DGKB: variants seen among roughly 807,000 people sequenced by gnomAD.
DGKB encodes the protein 90 kDa diacylglycerol kinase.
In DGKB, 67 loss-of-function variants were observed where a neutral mutation model predicts 114.3. The ratio of observed to expected loss-of-function variants is 0.59; its 90% confidence interval spans 0.48 to 0.72. The LOEUF is 0.72. DGKB is among the 30% of genes least tolerant of loss of function. DGKB has a pLI of 0.00. For missense variants in DGKB, 907 were observed against 975.2 expected, an observed-to-expected ratio of 0.93 and a Z score of 0.93; for synonymous variants, 398 against 323.1, an observed-to-expected ratio of 1.23 and a Z score of -2.49.
intron 23 of DGKB, among the ~76,000 whole-genome samples, chr7:14,218,931 T>A (rs1468331932): frequency 6.6e-6 from 1 of 151,864 alleles, no homozygotes; most frequent in Non-Finnish European, 1.5e-5. Flanking sequence ...CCTCTCACCC[T>A]CAGTCCACTA....
Position 14,351,525 on chromosome 7 carries a change from G to C in DGKB, c.1836-6134C>G, listed in dbSNP as rs114208428. 6.4e-3 allele frequency among the ~76,000 whole-genome samples: 978 copies of C among 152,322 alleles called. 10 individuals are homozygous for C. The highest frequency in any genetic ancestry group is 0.022 in the African/African-American group (901 of 41,582). On this transcript the variant is annotated intron_variant, in intron 21 of 25. Coordinates refer to ENST00000402815, the MANE Select transcript of DGKB (RefSeq NM_001350709.2). ...TCCCCTGGGAAATTAAATGTCATCT[G>C]TATGAACTATGGCCACAGGTATTTG...
chr7:14,455,449 G>A (rs1265479192), intron 21 of DGKB, among the ~76,000 whole-genome samples: 2 of 151,942 alleles, frequency 1.3e-5, no homozygotes, highest in Non-Finnish European at 2.9e-5. Flanking sequence ...TCTTGTCAAT[G>A]TCTTACCATA....
chr7:14,356,021 C>A (rs1228096390), intron 21 of DGKB, among the ~76,000 whole-genome samples: 3 of 152,170 alleles, frequency 2.0e-5, no homozygotes, highest in South Asian at 2.1e-4. Flanking sequence ...TGCATGTGTC[C>A]AGGAATTTAT....
At chr7:14,356,352 C>CTTTTTTTTTTTTTTTTTT (rs997102742) in intron 21 of DGKB, among the ~76,000 whole-genome samples, 4 of 77,224 alleles carry the variant, frequency 5.2e-5, no homozygotes, top group South Asian at 4.5e-4. Flanking sequence ...TTCTCTAGTT[C>CTTTTTTTTTTTTTTTTTT]TTTTTTTTTT....
In DGKB at chr7:14,283,604, C is replaced by T. The variant is rs556735778; in HGVS notation, c.2122+54911G>A. Reference sequence around the variant, plus strand: ...AAGCTGGAGGCATCACACTACCTGGCTTCAAACTATACTACAAGGCTACAG... The same window carrying T: ...AAGCTGGAGGCATCACACTACCTGGTTTCAAACTATACTACAAGGCTACAG... On this transcript the variant is annotated intron_variant, in intron 23 of 25. Transcript: ENST00000402815. Among the ~76,000 whole-genome samples the T allele has an allele frequency of 3.4e-5, 5 of 149,242 alleles. No individual in the cohort carries two copies. In the East Asian group the frequency reaches 9.7e-4, roughly 29 times the overall value.
intron 25 of DGKB, among the ~76,000 whole-genome samples, chr7:14,169,309 G>C (rs533006842): frequency 4.1e-5 from 6 of 146,964 alleles, no homozygotes; most frequent in Non-Finnish European, 8.9e-5. Context: ...AGATTGCAGT[G>C]AGCCGAGATG....
chr7:14,957,307 C>G (rs140733247), intron 1 of DGKB, among the ~76,000 whole-genome samples: 1,543 of 151,976 alleles, frequency 0.01, 22 homozygotes, highest in Admixed American at 0.011. Flanking sequence ...ACTTAGAATG[C>G]TGCTTTGGTC....
At chr7:14,830,245 T>A (rs144470986) in intron 2 of DGKB, among the ~76,000 whole-genome samples, 8 of 152,236 alleles carry the variant, frequency 5.3e-5, no homozygotes, top group African/African-American at 1.9e-4. Flanking sequence ...AATCATATCC[T>A]ATGAATAATC....
At chr7:14,156,786 A>G (rs1783086141) in intron 25 of DGKB, among the ~76,000 whole-genome samples, 1 of 152,126 alleles carries the variant, frequency 6.6e-6, no homozygotes, top group African/African-American at 2.4e-5. Context: ...AGTGGAAATA[A>G]TTTTCTTTGG....
chr7:14,203,452 G>T (rs781514032), intron 23 of DGKB, among the ~76,000 whole-genome samples: 5 of 152,002 alleles, frequency 3.3e-5, no homozygotes, highest in Non-Finnish European at 5.9e-5. Context: ...GTTCAGAGAA[G>T]AGTACACATG....
rs141276962 is a variant in DGKB, at chr7:14,884,810, G to C, written c.-188+17782C>G. 2.2e-3 allele frequency among the ~76,000 whole-genome samples: 338 copies of C among 152,058 alleles called. 1 individual carries two copies. The highest frequency in any genetic ancestry group is 7.9e-3 in the African/African-American group (328 of 41,526). ...ACCAGAGGAAATTAGGTAGGAAACA[G>C]AAAAGATACTAAATATTCTCTTTCA... On this transcript the variant is annotated intron_variant, in intron 1 of 25. Transcript: ENST00000402815.
chr7:14,358,454 C>T (rs909587669), intron 21 of DGKB, among the ~76,000 whole-genome samples: 3 of 152,074 alleles, frequency 2.0e-5, no homozygotes, highest in Admixed American at 6.6e-5. Context: ...CATTTAAAGT[C>T]TTCTCTGCAT....
chr7:14,423,226 A>T (rs1326796964), intron 21 of DGKB, among the ~76,000 whole-genome samples: 2 of 152,072 alleles, frequency 1.3e-5, no homozygotes, highest in Non-Finnish European at 2.9e-5. Flanking sequence ...ATTATTAAAA[A>T]TTCATAAATA....
At chr7:14,706,909 A>G (rs1291479235) in intron 6 of DGKB, among the ~76,000 whole-genome samples, 1 of 135,608 alleles carries the variant, frequency 7.4e-6, no homozygotes, top group Admixed American at 7.6e-5. Flanking sequence ...TAAAAGAACT[A>G]GAAAAGCAAG....
At chr7:14,567,606 T>C (rs1197783119) in intron 20 of DGKB, among the ~76,000 whole-genome samples, 1 of 120,272 alleles carries the variant, frequency 8.3e-6, no homozygotes, top group African/African-American at 3.2e-5. Context: ...TATATATATA[T>C]ATATATATCT....
chr7:14,723,903 C>T (rs999665076), intron 5 of DGKB, among the ~76,000 whole-genome samples: 6 of 152,050 alleles, frequency 3.9e-5, no homozygotes, highest in Non-Finnish European at 7.4e-5. Flanking sequence ...GAAACAATAA[C>T]CTCAAAAGTT....
At chr7:14,455,272 T>C (rs1292492332) in intron 21 of DGKB, among the ~76,000 whole-genome samples, 1 of 151,994 alleles carries the variant, frequency 6.6e-6, no homozygotes, top group African/African-American at 2.4e-5. Flanking sequence ...GGAATTAAAA[T>C]GCATTTCATT....
intron 21 of DGKB, among the ~76,000 whole-genome samples, chr7:14,406,458 T>G (rs950946848): frequency 6.6e-6 from 1 of 151,992 alleles, no homozygotes; most frequent in Non-Finnish European, 1.5e-5. Flanking sequence ...TATAAAGAAA[T>G]GAAGATATTA....
At chr7:14,321,365 G>A (rs1398921845) in intron 23 of DGKB, among the ~76,000 whole-genome samples, 1 of 151,792 alleles carries the variant, frequency 6.6e-6, no homozygotes, top group Non-Finnish European at 1.5e-5. Flanking sequence ...CTCAATAGAT[G>A]AAAAACAATA....
Sources: gnomAD v4.1 joint callset for allele counts (sites outside exome capture counted in the v4.1 genomes callset) on GRCh38, gnomAD v4.1.1 for gene constraint, MANE v1.5 for transcripts, NCBI Gene and HGNC (gene_info 2026-07-23, HGNC 2026-07-21) for gene names.